Variants in SORCS1 observed in about 807,000 individuals in gnomAD.
The protein encoded by SORCS1 is sortilin related VPS10 domain containing receptor 1.
A neutral mutation model predicts 146.1 loss-of-function variants in SORCS1; 60 were observed. That is an observed-to-expected ratio of 0.41 (90% confidence interval 0.33 to 0.51). The LOEUF (loss-of-function observed/expected upper bound fraction) is 0.51, where lower values mean the gene tolerates loss of function less well. SORCS1 is among the 20% of genes least tolerant of loss of function. The probability of loss-of-function intolerance (pLI) is 0.21; values close to 1 mark genes in which losing one functional copy is unlikely to be tolerated. For synonymous variants in SORCS1, 637 were observed against 584.0 expected (o/e 1.09, Z -1.31); for missense variants, 1,352 against 1,487.6 (o/e 0.91, Z 1.50).
chr10:106,966,504 T>C (rs1164014415), intron 1 of SORCS1, among the ~76,000 whole-genome samples: 2 of 152,242 alleles, frequency 1.3e-5, no homozygotes, highest in Admixed American at 6.5e-5. Context: ...TGTTTATTTA[T>C]GTAAAATCCT....
rs747607204 is a variant in SORCS1, at chr10:106,709,344, GAAAAAC to G, written c.1025-9_1025-4del. The G allele has an allele frequency of 2.6e-5, 41 of 1,602,504 alleles. No homozygotes were observed. The Admixed American group carries it at 3.0e-4, about 12-fold the overall frequency. On this transcript the variant is annotated splice_polypyrimidine_tract_variant and splice_region_variant and intron_variant, in intron 6 of 25. Coordinates refer to ENST00000263054, the MANE Select transcript of SORCS1 (RefSeq NM_052918.5). Reference sequence around the variant, plus strand: ...TCGGCAAGTTAGATAATGTGAATCTGAAAAACAAAAACAAAAACAAAAACATGGGGT... The same window carrying G: ...TCGGCAAGTTAGATAATGTGAATCTGAAAAACAAAAACAAAAACATGGGGT...
chr10:106,770,859 G>A (rs532819691), intron 4 of SORCS1, among the ~76,000 whole-genome samples: 1 of 152,272 alleles, frequency 6.6e-6, no homozygotes, highest in South Asian at 2.1e-4. Flanking sequence ...TTGTTCAGTT[G>A]TACTTCTTGC....
chr10:106,707,179 A>T (rs1023318102), intron 7 of SORCS1, among the ~76,000 whole-genome samples: 1 of 117,494 alleles, frequency 8.5e-6, no homozygotes, highest in Non-Finnish European at 1.8e-5. Context: ...GGTCTCTTCT[A>T]TTTAATTTAA....
At chr10:106,701,828 T>C (rs527964643) in intron 8 of SORCS1, among the ~76,000 whole-genome samples, 1 of 152,294 alleles carries the variant, frequency 6.6e-6, no homozygotes, top group Non-Finnish European at 1.5e-5. Flanking sequence ...ACAAGGATAA[T>C]AGGTCCCCCA....
chr10:106,585,190 C>T (rs1845153640), intron 24 of SORCS1, among the ~76,000 whole-genome samples: 1 of 150,926 alleles, frequency 6.6e-6, no homozygotes, highest in African/African-American at 2.4e-5. Context: ...TGCCACTGTA[C>T]TCCAGCCTAG....
intron 1 of SORCS1, among the ~76,000 whole-genome samples, chr10:107,139,647 T>C (rs1316302788): frequency 6.6e-6 from 1 of 152,174 alleles, no homozygotes; most frequent in African/African-American, 2.4e-5. Flanking sequence ...CATGACGCAG[T>C]TTCATCACCA....
chr10:107,153,003 T>C (rs1968953389), intron 1 of SORCS1, among the ~76,000 whole-genome samples: 1 of 152,188 alleles, frequency 6.6e-6, no homozygotes, highest in Non-Finnish European at 1.5e-5. Flanking sequence ...CTCTGCTCTC[T>C]GGCTTTCCTT....
chr10:107,064,464 T>A (rs756387101), intron 1 of SORCS1, among the ~76,000 whole-genome samples: 7 of 152,210 alleles, frequency 4.6e-5, no homozygotes, highest in Non-Finnish European at 4.4e-5. Context: ...AAACACTGTT[T>A]GGGAGCCAGA....
At chr10:106,863,666 A>G (rs1006288113) in intron 2 of SORCS1, among the ~76,000 whole-genome samples, 1 of 151,046 alleles carries the variant, frequency 6.6e-6, no homozygotes, top group Non-Finnish European at 1.5e-5. Context: ...TTCCCAACCA[A>G]CTCACAGGCA....
intron 1 of SORCS1, among the ~76,000 whole-genome samples, chr10:107,029,957 C>T (rs958640440): frequency 6.6e-6 from 1 of 152,114 alleles, no homozygotes; most frequent in African/African-American, 2.4e-5. Flanking sequence ...ATGGCAGATG[C>T]GTTTGGAAGG....
At chr10:106,948,377 G>C (rs1954478721) in intron 2 of SORCS1, among the ~76,000 whole-genome samples, 1 of 151,924 alleles carries the variant, frequency 6.6e-6, no homozygotes, top group Non-Finnish European at 1.5e-5. Flanking sequence ...ACATAGTTTA[G>C]TAAAATAAAT....
chr10:107,119,418 C>G (rs1966251408), intron 1 of SORCS1, among the ~76,000 whole-genome samples: 1 of 152,176 alleles, frequency 6.6e-6, no homozygotes, highest in Non-Finnish European at 1.5e-5. Flanking sequence ...GAGTCTCTAG[C>G]AGTAATCCAA....
At chr10:106,593,760 T>C (rs1020156356) in intron 24 of SORCS1, among the ~76,000 whole-genome samples, 2 of 152,338 alleles carry the variant, frequency 1.3e-5, no homozygotes, top group South Asian at 4.1e-4. Flanking sequence ...AGGCTAAGAT[T>C]GGGCTTTTAT....
intron 4 of SORCS1, among the ~76,000 whole-genome samples, chr10:106,769,184 A>G (rs2136308705): frequency 6.6e-6 from 1 of 152,314 alleles, no homozygotes; most frequent in South Asian, 2.1e-4. Flanking sequence ...AGGCTCACTC[A>G]GGAAAAGAAA....
At chr10:107,173,929 C>A in the SORCS1 span, among the ~76,000 whole-genome samples, 1 of 152,174 alleles carries the variant, frequency 6.6e-6, no homozygotes, top group Admixed American at 6.5e-5. Flanking sequence ...CAAAGCACTT[C>A]TTAATTATTA....
At position 106,677,405 on chromosome 10, in the gene SORCS1, C is replaced by A; in HGVS notation, c.1741-1G>T. ...AAACACTGTGCTCTTCTTCAAAGAT[C>A]TGGATGAGGAAAACACATACATGGA... is the stretch of plus-strand genomic sequence containing the variant. On this transcript the variant is annotated splice_acceptor_variant, in intron 12 of 25. Transcript: ENST00000263054. LOFTEE classifies it high-confidence loss of function. 6.2e-7 allele frequency: 1 copy of A among 1,613,716 alleles called. No individual in the cohort carries two copies. The highest frequency in any genetic ancestry group is 8.5e-7 in the Non-Finnish European group (1 of 1,179,686).
chr10:107,069,398 G>C (rs530282697), intron 1 of SORCS1, among the ~76,000 whole-genome samples: 1 of 150,422 alleles, frequency 6.6e-6, no homozygotes, highest in African/African-American at 2.5e-5. Context: ...TTTTTTAGAC[G>C]GAGTTTCACT....
At chr10:106,685,255 C>A (rs765271458) in intron 10 of SORCS1, among the ~76,000 whole-genome samples, 1 of 152,130 alleles carries the variant, frequency 6.6e-6, no homozygotes, top group African/African-American at 2.4e-5. Flanking sequence ...ACACTCCCAA[C>A]GTGGCACCCC....
intron 24 of SORCS1, among the ~76,000 whole-genome samples, chr10:106,585,761 C>T (rs541368231): frequency 2.0e-5 from 3 of 152,218 alleles, no homozygotes; most frequent in Non-Finnish European, 4.4e-5. Flanking sequence ...ATTTCACGGC[C>T]TTGCATACCT....
Sources: gnomAD v4.1 joint callset for allele counts (sites outside exome capture counted in the v4.1 genomes callset) on GRCh38, gnomAD v4.1.1 for gene constraint, MANE v1.5 for transcripts, NCBI Gene and HGNC (gene_info 2026-07-23, HGNC 2026-07-21) for gene names.